The following ARL15 variants were observed in gnomAD, a reference collection of about 807,000 sequenced individuals.
The protein encoded by ARL15 is ARF like GTPase 15.
In ARL15, 19 loss-of-function variants were observed where a neutral mutation model predicts 25.2. That is an observed-to-expected ratio of 0.75 (90% confidence interval 0.53 to 1.10). The LOEUF is 1.10. ARL15 is among the 50% of genes least tolerant of loss of function. The pLI, the probability that ARL15 is intolerant of heterozygous loss-of-function variation, is 0.00. For missense variants in ARL15, 220 were observed against 246.0 expected, an observed-to-expected ratio of 0.89 and a Z score of 0.71; for synonymous variants, 94 against 86.8, an observed-to-expected ratio of 1.08 and a Z score of -0.46.
chr5:54,299,384 AT>A (rs1758553389), intron 1 of ARL15, among the ~76,000 whole-genome samples: 1 of 152,176 alleles, frequency 6.6e-6, no homozygotes, highest in Non-Finnish European at 1.5e-5. Context: ...GAGCTCAAAC[AT>A]TAGCCAGACC....
At chr5:53,956,010 T>C (rs1747137571) in intron 4 of ARL15, among the ~76,000 whole-genome samples, 1 of 152,060 alleles carries the variant, frequency 6.6e-6, no homozygotes, top group South Asian at 2.1e-4. Context: ...TGTCGTTGTT[T>C]TGAGAAAACA....
At chr5:54,055,614 G>A (rs577611644) in intron 4 of ARL15, among the ~76,000 whole-genome samples, 8 of 152,186 alleles carry the variant, frequency 5.3e-5, no homozygotes, top group African/African-American at 1.9e-4. Context: ...ACCCGTCTCG[G>A]CCTCCCAAAG....
intron 1 of ARL15, among the ~76,000 whole-genome samples, chr5:54,270,104 ACTT>A (rs573015290): frequency 1.4e-4 from 22 of 152,278 alleles, no homozygotes; most frequent in South Asian, 4.1e-4. Context: ...AATTCTTTGG[ACTT>A]CTTCTTAATT....
At chr5:54,304,836 G>A (rs927927190) in intron 1 of ARL15, among the ~76,000 whole-genome samples, 9 of 151,584 alleles carry the variant, frequency 5.9e-5, no homozygotes, top group African/African-American at 1.5e-4. Context: ...TAAAAACAAC[G>A]AAACAATGTA....
intron 3 of ARL15, among the ~76,000 whole-genome samples, chr5:54,128,789 T>A (rs1328293100): frequency 2.1e-5 from 3 of 143,844 alleles, no homozygotes; most frequent in Non-Finnish European, 3.0e-5. Context: ...CACTACAACC[T>A]CCACCTCCCA....
At chr5:54,108,849 C>T (rs34961351) in intron 4 of ARL15, among the ~76,000 whole-genome samples, 1,615 of 152,038 alleles carry the variant, frequency 0.011, 22 homozygotes, top group Middle Eastern at 0.041. Context: ...CATAGAAACA[C>T]ACTAGCACCC....
intron 4 of ARL15, among the ~76,000 whole-genome samples, chr5:54,029,345 C>T (rs867521449): frequency 6.4e-5 from 9 of 141,656 alleles, no homozygotes; most frequent in African/African-American, 1.8e-4. Context: ...CCACCACCAC[C>T]ACCACCACCA....
At chr5:54,026,583 T>G (rs1003008393) in intron 4 of ARL15, among the ~76,000 whole-genome samples, 1 of 152,170 alleles carries the variant, frequency 6.6e-6, no homozygotes, top group Non-Finnish European at 1.5e-5. Flanking sequence ...ACCTTTCAAT[T>G]TATAATTCTG....
intron 4 of ARL15, among the ~76,000 whole-genome samples, chr5:53,976,403 T>A (rs945727504): frequency 2.0e-5 from 3 of 152,210 alleles, no homozygotes; most frequent in Non-Finnish European, 4.4e-5. Context: ...TGGCTGGAAA[T>A]AAGTGATGAG....
intron 4 of ARL15, among the ~76,000 whole-genome samples, chr5:54,109,901 A>T (rs1419435215): frequency 6.6e-6 from 1 of 151,978 alleles, no homozygotes; most frequent in Non-Finnish European, 1.5e-5. Flanking sequence ...CAGTATGTAA[A>T]GGGTGTTCTT....
intron 1 of ARL15, among the ~76,000 whole-genome samples, chr5:54,263,758 A>G (rs1166261538): frequency 6.6e-6 from 1 of 152,008 alleles, no homozygotes; most frequent in African/African-American, 2.4e-5. Context: ...GCAGAGAGCA[A>G]CCCCATCCAT....
In ARL15 at chr5:54,164,505, A is replaced by G. The variant is rs145447479; in HGVS notation, c.193+7279T>C. 2.5e-4 allele frequency among the ~76,000 whole-genome samples: 38 copies of G among 152,060 alleles called. No homozygotes were observed. The East Asian group carries it at 7.1e-3, about 29-fold the overall frequency. On this transcript the variant is annotated intron_variant, in intron 2 of 4. Transcript: ENST00000504924. ...TGTGGGTTTGTACATTTCTTTTTGC[A>G]GTTCTGTCATTTTTTTGTTTCATAT...
intron 1 of ARL15, among the ~76,000 whole-genome samples, chr5:54,200,231 A>T (rs62372175): frequency 0.2 from 30,863 of 151,460 alleles, 3,605 homozygotes; most frequent in Admixed American, 0.31. Flanking sequence ...CCAGCATGGC[A>T]CATGTATACA....
In ARL15 at chr5:54,056,197, G is replaced by T. The variant is rs1257771559; in HGVS notation, c.462+57005C>A. 2.6e-5 allele frequency among the ~76,000 whole-genome samples: 4 copies of T among 152,172 alleles called. No individual in the cohort carries two copies. In the East Asian group the frequency reaches 5.8e-4, roughly 22 times the overall value. ...CAGTCTAAGTTCCATCTGAAACATGGGGATAATATCACACTCATATGGTTA... is the reference window on the plus strand; with the variant it reads ...CAGTCTAAGTTCCATCTGAAACATGTGGATAATATCACACTCATATGGTTA... On this transcript the variant is annotated intron_variant, in intron 4 of 4. Transcript: ENST00000504924.
chr5:54,217,368 T>C (rs559688252), intron 1 of ARL15, among the ~76,000 whole-genome samples: 16 of 152,266 alleles, frequency 1.1e-4, no homozygotes, highest in African/African-American at 1.9e-4. Context: ...TCGTTAGTTA[T>C]ATTTAGCCTA....
intron 4 of ARL15, among the ~76,000 whole-genome samples, chr5:53,986,595 T>C (rs568892673): frequency 3.9e-5 from 6 of 152,326 alleles, no homozygotes; most frequent in African/African-American, 1.4e-4. Context: ...GACTATGCTT[T>C]GGCAAACACT....
At chr5:53,941,003 TC>T (rs1746524060) in intron 4 of ARL15, among the ~76,000 whole-genome samples, 1 of 152,300 alleles carries the variant, frequency 6.6e-6, no homozygotes, top group Non-Finnish European at 1.5e-5. Flanking sequence ...TCAATGGGGT[TC>T]CTTTGAACTG....
chr5:54,140,702 A>G (rs1753751696), intron 3 of ARL15, among the ~76,000 whole-genome samples: 1 of 152,200 alleles, frequency 6.6e-6, no homozygotes, highest in South Asian at 2.1e-4. Context: ...AATGGAAAAT[A>G]AAATTACTTT....
chr5:53,951,982 G>C (rs1580112535), intron 4 of ARL15, among the ~76,000 whole-genome samples: 1 of 151,566 alleles, frequency 6.6e-6, no homozygotes, highest in Non-Finnish European at 1.5e-5. Flanking sequence ...TGAAAGAGGA[G>C]AGTAGCTGGG....
Sources: gnomAD v4.1 joint callset for allele counts (sites outside exome capture counted in the v4.1 genomes callset) on GRCh38, gnomAD v4.1.1 for gene constraint, MANE v1.5 for transcripts, NCBI Gene and HGNC (gene_info 2026-07-23, HGNC 2026-07-21) for gene names.